CENPP: variants seen among roughly 807,000 people sequenced by gnomAD.
CENPP encodes the protein centromere protein P.
CENPP carries 24 observed loss-of-function variants against 35.6 expected under a neutral mutation model. The ratio of observed to expected loss-of-function variants is 0.67; its 90% CI spans 0.49 to 0.95. The LOEUF (loss-of-function observed/expected upper bound fraction) is 0.95. Among genes scored for constraint, CENPP ranks in the 40% least tolerant of loss-of-function variants. The pLI is 0.00. For synonymous variants in CENPP, 120 were observed against 125.5 expected (o/e 0.96, Z 0.29); for missense variants, 332 against 345.3 (o/e 0.96, Z 0.31).
chr9:92,368,847 T>C (rs1841946534), intron 4 of CENPP, among the ~76,000 whole-genome samples: 1 of 152,116 alleles, frequency 6.6e-6, no homozygotes, highest in African/African-American at 2.4e-5. Flanking sequence ...ATGACCAGTG[T>C]TGGCAACATA....
At chr9:92,604,159 C>T (rs1588312059) in intron 5 of CENPP, among the ~76,000 whole-genome samples, 2 of 152,214 alleles carry the variant, frequency 1.3e-5, no homozygotes, top group East Asian at 3.8e-4. Context: ...TTCCTAGCAG[C>T]AGTGTATGTT....
At chr9:92,448,525 T>G (rs1588136126) in intron 5 of CENPP, among the ~76,000 whole-genome samples, 1 of 151,568 alleles carries the variant, frequency 6.6e-6, no homozygotes, top group South Asian at 2.1e-4. Flanking sequence ...TCAAAGGCAG[T>G]TTTGGAGAAG....
At chr9:92,580,779 G>A (rs148890402) in intron 5 of CENPP, among the ~76,000 whole-genome samples, 173 of 152,354 alleles carry the variant, frequency 1.1e-3, no homozygotes, top group African/African-American at 3.9e-3. Context: ...ATTTTTGAAG[G>A]GTTTTTTGTG....
At chr9:92,471,705 C>T (rs1480063785) in intron 5 of CENPP, among the ~76,000 whole-genome samples, 34 of 143,520 alleles carry the variant, frequency 2.4e-4, no homozygotes, top group East Asian at 2.1e-4. Flanking sequence ...CTTGCTCTGT[C>T]GCCCCGGCTG....
chr9:92,547,948 T>C (rs10115937), intron 5 of CENPP, among the ~76,000 whole-genome samples: 101,156 of 152,090 alleles, frequency 0.67, 35,332 homozygotes, highest in African/African-American at 0.89. Context: ...AGTTTTTCCT[T>C]CATTTTCTTA....
At chr9:92,525,594 T>C (rs1848345133) in intron 5 of CENPP, among the ~76,000 whole-genome samples, 1 of 152,138 alleles carries the variant, frequency 6.6e-6, no homozygotes, top group Non-Finnish European at 1.5e-5. Context: ...TCCAGTCATA[T>C]AAAAATACAG....
chr9:92,533,328 A>AAAATATATATATAT (rs1554683138), intron 5 of CENPP, among the ~76,000 whole-genome samples: 1 of 38,338 alleles, frequency 2.6e-5, no homozygotes, highest in Admixed American at 3.4e-4. Flanking sequence ...AAAAAAAAAA[A>AAAATATATATATAT]ATATATATAT....
chr9:92,356,043 A>G (rs183347840), intron 4 of CENPP, among the ~76,000 whole-genome samples: 295 of 152,346 alleles, frequency 1.9e-3, no homozygotes, highest in African/African-American at 6.8e-3. Flanking sequence ...GGGTTAGTCA[A>G]CTATTTTACT....
chr9:92,619,442 AC>A lies in CENPP; in HGVS notation c.*6297del. 1 of 1,474,558 alleles carries A rather than the reference AC, an allele frequency of 6.8e-7. No homozygotes were observed. The highest frequency in any genetic ancestry group is 9.3e-7 in the Non-Finnish European group (1 of 1,074,920). The allele number at this position is 1,474,558 out of a possible 1,614,324, so 91.3% of individuals were successfully genotyped here. On this transcript the variant is annotated 3_prime_UTR_variant, in exon 8 of 8. Transcript: ENST00000375587. ...TAACAATTCACCAACTGTCCATAAAACCCCGTTAGACCCAGGCTGCATGCCT... is the reference window on the plus strand; with the variant it reads ...TAACAATTCACCAACTGTCCATAAAACCCGTTAGACCCAGGCTGCATGCCT...
chr9:92,389,970 G>C (rs780826005), intron 5 of CENPP: 5 of 1,610,714 alleles, frequency 3.1e-6, no homozygotes, highest in African/African-American at 1.3e-5. Context: ...GCAAGTGAAA[G>C]TTCTTCTAAC....
chr9:92,502,168 G>A (rs1209254656), intron 5 of CENPP, among the ~76,000 whole-genome samples: 2 of 152,162 alleles, frequency 1.3e-5, no homozygotes, highest in Non-Finnish European at 2.9e-5. Context: ...GAGCTAGAGT[G>A]GCATTTGACC....
At chr9:92,519,537 G>A (rs1007996845) in intron 5 of CENPP, among the ~76,000 whole-genome samples, 4 of 152,198 alleles carry the variant, frequency 2.6e-5, no homozygotes, top group Non-Finnish European at 4.4e-5. Flanking sequence ...TTCAAGAAGG[G>A]TGTCAAGACC....
chr9:92,488,934 T>G (rs752493852), intron 5 of CENPP, among the ~76,000 whole-genome samples: 5 of 152,224 alleles, frequency 3.3e-5, no homozygotes, highest in Non-Finnish European at 7.3e-5. Flanking sequence ...TCACATTTTA[T>G]ACAAAGGAAA....
intron 5 of CENPP, among the ~76,000 whole-genome samples, chr9:92,555,023 TG>T (rs531420901): frequency 1.7e-3 from 250 of 150,804 alleles, no homozygotes; most frequent in Admixed American, 4.0e-3. Flanking sequence ...TTGTTGTTGT[TG>T]TTGTTGTTGT....
chr9:92,351,289 A>G (rs2130813772), intron 4 of CENPP, among the ~76,000 whole-genome samples: 1 of 151,900 alleles, frequency 6.6e-6, no homozygotes, highest in South Asian at 2.1e-4. Context: ...AGGAGTTCAA[A>G]TCCAGCATGG....
Position 92,376,859 on chromosome 9 carries a change from G to A in CENPP, c.468-2904G>A, listed in dbSNP as rs555326317. 3.3e-5 allele frequency among the ~76,000 whole-genome samples: 5 copies of A among 151,976 alleles called. 1 individual carries two copies. In the South Asian group the frequency reaches 8.3e-4, roughly 25 times the overall value. On this transcript the variant is annotated intron_variant, in intron 4 of 7. Transcript: ENST00000375587. ...AGTTCGAGACCAGCCTGGCCAATAT[G>A]GTGAAACCCTGTCTGTACTAAAAAT... is the stretch of plus-strand genomic sequence containing the variant.
At chr9:92,511,347 A>C (rs1847326940) in intron 5 of CENPP, among the ~76,000 whole-genome samples, 1 of 141,634 alleles carries the variant, frequency 7.1e-6, no homozygotes, top group Admixed American at 6.8e-5. Context: ...GGCTGGTCTC[A>C]AACTCCTGAC....
At chr9:92,461,222 TAG>T (rs1179518185) in intron 5 of CENPP, among the ~76,000 whole-genome samples, 3 of 152,200 alleles carry the variant, frequency 2.0e-5, no homozygotes, top group Admixed American at 2.0e-4. Flanking sequence ...ATTCTTCAAT[TAG>T]ATGTCTCTAA....
intron 5 of CENPP, among the ~76,000 whole-genome samples, chr9:92,416,147 C>T (rs1385680046): frequency 6.8e-6 from 1 of 147,800 alleles, no homozygotes; most frequent in Non-Finnish European, 1.5e-5. Flanking sequence ...TCATCCAGGC[C>T]AGAAAGCAGT....
Sources: allele counts gnomAD v4.1 joint callset (sites outside exome capture counted in the v4.1 genomes callset), GRCh38; gene constraint gnomAD v4.1.1; transcripts MANE v1.5; gene names NCBI Gene and HGNC (gene_info 2026-07-23, HGNC 2026-07-21).